KTN1: variants seen among roughly 807,000 people sequenced by gnomAD.
The protein encoded by KTN1 is kinectin.
In KTN1, 130 loss-of-function variants were observed where a neutral mutation model predicts 222.5. The observed-to-expected ratio is 0.58, with a 90% confidence interval of 0.51 to 0.68. The LOEUF is 0.68. KTN1 is among the 30% of genes least tolerant of loss of function. The probability of loss-of-function intolerance (pLI) is 0.00; values close to 1 mark genes in which losing one functional copy is unlikely to be tolerated. For missense variants in KTN1, 1,508 were observed against 1,500.4 expected (o/e 1.01, Z -0.08); for synonymous variants, 512 against 496.3 (o/e 1.03, Z -0.42).
intron 12 of KTN1, 53 bp downstream of exon 12, chr14:55,637,900 C>A: frequency 1.5e-6 from 2 of 1,364,338 alleles, no homozygotes; most frequent in Non-Finnish European, 2.1e-6. Context: ...CATTTAAACA[C>A]TCACCTGAAT....
chr14:55,619,274 A>T lies in KTN1; in HGVS notation c.925A>T (p.Lys309Ter). Reference sequence around the variant, plus strand: ...GGCTCTTTGTGTTGTAGACTTGCTAAAGGAGAAGTCTGGTGTAATACAAGA... The same window carrying T: ...GGCTCTTTGTGTTGTAGACTTGCTATAGGAGAAGTCTGGTGTAATACAAGA... ...DEALCVVDLL[K>*]EKSGVIQDAL... The change falls in exon 5 of 44, where the codon AAG becomes TAG. Residue 309 changes from lysine (K) to a stop codon, truncating the protein, a stop_gained. Transcript: ENST00000395314. LOFTEE classifies it high-confidence loss of function. 1 of 1,613,498 alleles carries T rather than the reference A, an allele frequency of 6.2e-7. No individual in the cohort carries two copies. The highest frequency in any genetic ancestry group is 1.1e-5 in the South Asian group (1 of 91,070).
intron 33 of KTN1, among the ~76,000 whole-genome samples, chr14:55,665,255 A>G (rs1034263268): frequency 6.6e-6 from 1 of 151,858 alleles, no homozygotes. Flanking sequence ...GGTTGTTTAT[A>G]TTACTTTGTT....
chr14:55,619,640 A>G (rs932347235), intron 5 of KTN1, among the ~76,000 whole-genome samples: 4 of 152,142 alleles, frequency 2.6e-5, no homozygotes, highest in African/African-American at 9.7e-5. Flanking sequence ...ATCAAGCGAA[A>G]GGGGTTTCCT....
chr14:55,672,751 T>G (rs757342281), intron 38 of KTN1, 50 bp downstream of exon 38: 1 of 1,279,466 alleles, frequency 7.8e-7, no homozygotes, highest in Non-Finnish European at 1.1e-6. Context: ...GTTTTTAGCA[T>G]TAACGGTTGT....
chr14:55,637,210 A>G lies in KTN1; in HGVS notation c.1562A>G (p.Lys521Arg). The change falls in exon 11 of 44, where the codon AAA becomes AGA. Residue 521 changes from lysine (K) to arginine (R), a missense_variant. By Grantham distance (26) the Lys-to-Arg change is conservative. Coordinates refer to ENST00000395314, the MANE Select transcript of KTN1 (RefSeq NM_001079521.2). ...TGTTTTATTACAGATTTACAGAGTAAATTTGTGGCCAAAGAAAATGAAGTA... is the reference window on the plus strand; with the variant it reads ...TGTTTTATTACAGATTTACAGAGTAGATTTGTGGCCAAAGAAAATGAAGTA... ...HEAAQQDLQS[K>R]FVAKENEVQS... 1.2e-6 allele frequency: 2 copies of G among 1,601,974 alleles called. No individual in the cohort carries two copies. Among genetic ancestry groups the G allele is most frequent in the Non-Finnish European group, 1.7e-6 (2 of 1,173,714 alleles).
chr14:55,680,263 T>G (rs1444464297), intron 43 of KTN1: 1 of 159,786 alleles, frequency 6.3e-6, no homozygotes, highest in Non-Finnish European at 1.4e-5. Flanking sequence ...AGTCATGTTA[T>G]GAGCTTTTAT....
chr14:55,683,472 T>G (rs2046537978), intron 43 of KTN1: 1 of 152,156 alleles, frequency 6.6e-6, no homozygotes, highest in African/African-American at 2.4e-5. Flanking sequence ...CAATCAGTGG[T>G]ACCATTATTA....
intron 43 of KTN1, chr14:55,682,385 A>G (rs2046450918): frequency 6.6e-6 from 1 of 152,162 alleles, no homozygotes. Flanking sequence ...ATTTTATAAT[A>G]TACTTTTTTG....
intron 1 of KTN1, among the ~76,000 whole-genome samples, chr14:55,582,685 A>G (rs1027809040): frequency 5.3e-5 from 8 of 152,208 alleles, no homozygotes; most frequent in African/African-American, 1.7e-4. Context: ...TTAACCTGAA[A>G]GATCTCCAAT....
intron 1 of KTN1, among the ~76,000 whole-genome samples, chr14:55,610,741 G>T (rs1352101438): frequency 6.6e-6 from 1 of 152,170 alleles, no homozygotes; most frequent in Admixed American, 6.5e-5. Flanking sequence ...CTTTTATGTG[G>T]CTTATGCATG....
chr14:55,682,193 G>A (rs2046430826), intron 43 of KTN1: 4 of 152,038 alleles, frequency 2.6e-5, no homozygotes. Flanking sequence ...TAGAGCTGTA[G>A]GGGTAGGTGT....
rs776677210 is a variant in KTN1, at chr14:55,671,890, GAA to G, written c.3531+16_3531+17del. 2.8e-6 allele frequency: 4 copies of G among 1,449,182 alleles called. No homozygotes were observed. Among genetic ancestry groups the G allele is most frequent in the Non-Finnish European group, 3.9e-6 (4 of 1,030,936 alleles). 89.8% of individuals were successfully genotyped at this position (1,449,182 alleles called of 1,614,324 possible). A position where few individuals can be genotyped will look rare whatever the true frequency, so the allele number is the denominator to read the frequency against. The stretch of plus-strand genomic sequence containing the variant: ...GACTATTAAACAGGTATTTACAAAA[GAA>G]AAGCTTAGAGCAGTGGTTCTCGATG... On this transcript the variant is annotated intron_variant, in intron 37 of 43. Coordinates refer to ENST00000395314, the MANE Select transcript of KTN1 (RefSeq NM_001079521.2).
chr14:55,603,630 C>T lies in KTN1; in HGVS notation c.-30-8389C>T, dbSNP rs186069363. 2.0e-5 allele frequency among the ~76,000 whole-genome samples: 3 copies of T among 152,264 alleles called. No homozygotes were observed. The East Asian group carries it at 5.8e-4, about 29-fold the overall frequency. ...TCTTGAGACCTGGTCTCTATTTATA[C>T]CCATTTGTTTGGGATTTTATCCAAG... is the stretch of plus-strand genomic sequence containing the variant. On this transcript the variant is annotated intron_variant, in intron 1 of 43. Transcript: ENST00000395314.
In KTN1 at chr14:55,619,353, C is replaced by A; in HGVS notation, c.963+41C>A. The A allele has an allele frequency of 1.9e-6, 3 of 1,595,276 alleles. No individual in the cohort carries two copies. In the South Asian group the frequency reaches 3.3e-5, roughly 18 times the overall value. On this transcript the variant is annotated intron_variant, in intron 5 of 43. Coordinates refer to ENST00000395314, the MANE Select transcript of KTN1 (RefSeq NM_001079521.2). ...GATTATGGGCATATTCATGACCAGT[C>A]ATTAGAAGTTCACCAAACAAGACTT...
chr14:55,683,974 A>G (rs948576264), intron 43 of KTN1, 125 bp from the exon 44 acceptor site: 1 of 627,348 alleles, frequency 1.6e-6, no homozygotes, highest in Admixed American at 3.7e-5. Flanking sequence ...AATTGCTTTG[A>G]GTCTATTTGA....
In KTN1 at chr14:55,670,712, A is replaced by T. The variant is rs1423631235; in HGVS notation, c.3268-17A>T. The T allele has an allele frequency of 1.3e-6, 2 of 1,555,706 alleles. No homozygotes were observed. Among genetic ancestry groups the T allele is most frequent in the Admixed American group, 1.9e-5 (1 of 52,796 alleles). On this transcript the variant is annotated splice_polypyrimidine_tract_variant and intron_variant, in intron 34 of 43. Transcript: ENST00000395314. ...TTTTCTTTGGAAATTAATGATTTTA[A>T]CTTTTCTCGTCCACAGAGTTATGGT...
rs540418158 is a variant in KTN1, at chr14:55,675,999, T to G, written c.3855+81T>G. The G allele has an allele frequency of 2.0e-5, 18 of 884,950 alleles. No homozygotes were observed. The South Asian group carries it at 2.7e-4, about 13-fold the overall frequency. 54.8% of individuals were successfully genotyped at this position (884,950 alleles called of 1,614,324 possible). ...TCTTAAGCAAACTTATGCTGCTAATTCTGGATTTGTTGTTTTGCATCATAA... is the reference window on the plus strand; with the variant it reads ...TCTTAAGCAAACTTATGCTGCTAATGCTGGATTTGTTGTTTTGCATCATAA... On this transcript the variant is annotated intron_variant, in intron 41 of 43. Transcript: ENST00000395314.
At chr14:55,621,836 AT>A (rs1303010504) in intron 5 of KTN1, among the ~76,000 whole-genome samples, 2 of 144,954 alleles carry the variant, frequency 1.4e-5, no homozygotes, top group African/African-American at 5.2e-5. Flanking sequence ...AAGTAAGATG[AT>A]TTATATTACT....
chr14:55,684,066 A>C, intron 43 of KTN1, 33 bp from the exon 44 acceptor site: 1 of 1,586,340 alleles, frequency 6.3e-7, no homozygotes. Context: ...GCTTTGTTTT[A>C]AAGTGAAATT....
Sources: allele counts gnomAD v4.1 joint callset (sites outside exome capture counted in the v4.1 genomes callset), GRCh38; gene constraint gnomAD v4.1.1; transcripts MANE v1.5; gene names NCBI Gene and HGNC (gene_info 2026-07-23, HGNC 2026-07-21).